Variants in EYS observed in about 807,000 individuals in gnomAD.
EYS encodes the protein protein eyes shut homolog.
In EYS, 250 loss-of-function variants were observed where a neutral mutation model predicts 282.1. The observed-to-expected ratio is 0.89, with a 90% CI of 0.80 to 0.98. EYS has a LOEUF of 0.98. Among genes scored for constraint, EYS ranks in the 50% least tolerant of loss-of-function variants. The pLI is 0.00. For missense variants in EYS, 4,016 were observed against 3,709.0 expected (o/e 1.08, Z -2.15); for synonymous variants, 1,355 against 1,282.9 (o/e 1.06, Z -1.20).
chr6:65,273,033 T>C (rs1212593625), intron 12 of EYS, among the ~76,000 whole-genome samples: 2 of 152,184 alleles, frequency 1.3e-5, no homozygotes, highest in African/African-American at 4.8e-5. Context: ...ACAGTCAATT[T>C]AATAATCAGG....
chr6:65,555,411 T>C (rs1319511265), intron 2 of EYS, among the ~76,000 whole-genome samples: 1 of 152,146 alleles, frequency 6.6e-6, no homozygotes, highest in South Asian at 2.1e-4. Context: ...GCTTAAATGA[T>C]CTATTTAGCC....
intron 22 of EYS, among the ~76,000 whole-genome samples, chr6:64,763,995 T>G (rs558047475): frequency 1.3e-5 from 2 of 152,272 alleles, no homozygotes; most frequent in South Asian, 4.1e-4. Flanking sequence ...CCTGTGGCTC[T>G]GCAGGGTACA....
chr6:64,856,573 A>G (rs1766067573), intron 19 of EYS, among the ~76,000 whole-genome samples: 1 of 152,154 alleles, frequency 6.6e-6, no homozygotes. Flanking sequence ...TGCTGGGATT[A>G]CAGCTGTGAG....
At chr6:64,630,545 A>G (rs541773758) in intron 22 of EYS, among the ~76,000 whole-genome samples, 16 of 152,314 alleles carry the variant, frequency 1.1e-4, no homozygotes, top group African/African-American at 3.8e-4. Flanking sequence ...TATGATAATG[A>G]TTGATACAGT....
At chr6:63,946,806 C>T (rs1342042057) in intron 35 of EYS, among the ~76,000 whole-genome samples, 3 of 142,272 alleles carry the variant, frequency 2.1e-5, no homozygotes, top group Non-Finnish European at 4.5e-5. Flanking sequence ...TTTTTAGAAA[C>T]TTTGAAGCAC....
At chr6:65,135,124 G>GA (rs1775988087) in intron 12 of EYS, among the ~76,000 whole-genome samples, 1 of 151,970 alleles carries the variant, frequency 6.6e-6, no homozygotes, top group African/African-American at 2.4e-5. Flanking sequence ...TCTTATTTTG[G>GA]AAAATTGATT....
intron 31 of EYS, among the ~76,000 whole-genome samples, chr6:64,214,106 G>C (rs775795169): frequency 6.6e-6 from 1 of 152,072 alleles, no homozygotes; most frequent in South Asian, 2.1e-4. Context: ...TTTTAACCTA[G>C]AAAGGGAACT....
chr6:63,728,120 A>G (rs930296287), intron 41 of EYS, among the ~76,000 whole-genome samples: 1 of 152,154 alleles, frequency 6.6e-6, no homozygotes, highest in South Asian at 2.1e-4. Flanking sequence ...ATACATGTTT[A>G]TTATAAGACA....
intron 22 of EYS, among the ~76,000 whole-genome samples, chr6:64,775,582 T>C (rs550340611): frequency 2.6e-5 from 4 of 152,188 alleles, no homozygotes; most frequent in Admixed American, 1.3e-4. Flanking sequence ...ATGTTAATCC[T>C]CTTTTCTGTC....
At chr6:64,822,356 C>A (rs191604255) in intron 20 of EYS, among the ~76,000 whole-genome samples, 1 of 151,974 alleles carries the variant, frequency 6.6e-6, no homozygotes, top group African/African-American at 2.4e-5. Flanking sequence ...ATCATCTTAC[C>A]TGCTAGTTCT....
intron 31 of EYS, among the ~76,000 whole-genome samples, chr6:64,149,072 T>C (rs931185661): frequency 6.6e-6 from 1 of 152,188 alleles, no homozygotes. Context: ...GTTTTGCTTT[T>C]CTCATTATCT....
chr6:65,391,811 A>G (rs1290284586), intron 7 of EYS, among the ~76,000 whole-genome samples: 1 of 143,960 alleles, frequency 6.9e-6, no homozygotes, highest in Non-Finnish European at 1.5e-5. Context: ...ACAGAATTGG[A>G]AAAAACTACT....
intron 31 of EYS, among the ~76,000 whole-genome samples, chr6:64,191,522 C>T (rs1765109414): frequency 1.4e-5 from 2 of 145,822 alleles, no homozygotes; most frequent in African/African-American, 5.0e-5. Context: ...TGTTCCCCTT[C>T]CTGTGTCCAT....
At chr6:65,146,935 T>A (rs1036584304) in intron 12 of EYS, among the ~76,000 whole-genome samples, 2 of 152,038 alleles carry the variant, frequency 1.3e-5, no homozygotes, top group Non-Finnish European at 2.9e-5. Context: ...CATCATTTAA[T>A]GCTACATTAT....
chr6:65,071,623 C>T (rs1157791113), intron 12 of EYS, among the ~76,000 whole-genome samples: 2 of 151,746 alleles, frequency 1.3e-5, no homozygotes, highest in African/African-American at 2.4e-5. Context: ...TCACAAGAAC[C>T]AAGAACAATG....
intron 31 of EYS, among the ~76,000 whole-genome samples, chr6:64,160,826 T>G (rs1775082583): frequency 6.6e-6 from 1 of 152,214 alleles, no homozygotes; most frequent in South Asian, 2.1e-4. Context: ...GCAATGCATC[T>G]TCTCTTGGGG....
chr6:63,899,218 T>C (rs765348337), intron 35 of EYS, among the ~76,000 whole-genome samples: 2 of 152,204 alleles, frequency 1.3e-5, no homozygotes, highest in East Asian at 3.8e-4. Flanking sequence ...ACCAGACTCA[T>C]ACTGCCTATT....
chr6:64,061,977 A>T (rs993876926), intron 33 of EYS, among the ~76,000 whole-genome samples: 5 of 151,974 alleles, frequency 3.3e-5, no homozygotes, highest in African/African-American at 1.2e-4. Context: ...AAAAAAAAAA[A>T]AGTTTTTAGC....
intron 41 of EYS, among the ~76,000 whole-genome samples, chr6:63,760,718 A>T (rs1769617185): frequency 1.3e-5 from 2 of 151,654 alleles, no homozygotes; most frequent in African/African-American, 4.8e-5. Context: ...CTATCTATAC[A>T]TCCATTCATC....
Sources: allele counts gnomAD v4.1 joint callset (sites outside exome capture counted in the v4.1 genomes callset), GRCh38; gene constraint gnomAD v4.1.1; transcripts MANE v1.5; gene names NCBI Gene and HGNC (gene_info 2026-07-23, HGNC 2026-07-21).